The following MORC4 variants were observed in gnomAD, a reference collection of about 807,000 sequenced individuals.
MORC4 encodes the protein MORC family CW-type zinc finger protein 4.
A neutral mutation model predicts 65.5 loss-of-function variants in MORC4; 22 were observed. That is an observed-to-expected ratio of 0.34 (90% CI 0.24 to 0.48). The LOEUF (loss-of-function observed/expected upper bound fraction) is 0.48, where lower values mean the gene tolerates loss of function less well. Ranked by LOEUF, MORC4 falls within the 20% of genes least tolerant of loss-of-function variation. The probability of loss-of-function intolerance (pLI) is 0.99; values close to 1 mark genes in which losing one functional copy is unlikely to be tolerated. For synonymous variants in MORC4, 267 were observed against 255.8 expected (o/e 1.04, Z -0.42); for missense variants, 624 against 703.0 (o/e 0.89, Z 1.27).
At chrX:106,999,581 G>A (rs995101830) in intron 2 of MORC4, 96 bp downstream of exon 2, 35 of 422,497 alleles carry the variant, frequency 8.3e-5, no homozygotes, top group Middle Eastern at 9.1e-4. Context: ...GCCCCGGCCC[G>A]CCCCGCGCGG....
chrX:106,947,562 ATATATATAT>A (rs1488266535), intron 14 of MORC4, among the ~76,000 whole-genome samples: 2 of 70,203 alleles, frequency 2.8e-5, no homozygotes, highest in Non-Finnish European at 4.9e-5. Flanking sequence ...GTTAATCTAT[ATATATATAT>A]TATATATATA....
At chrX:106,992,254 C>T in intron 3 of MORC4, among the ~76,000 whole-genome samples, 1 of 112,344 alleles carries the variant, frequency 8.9e-6, no homozygotes, top group South Asian at 3.7e-4. Flanking sequence ...AAGGGATTTC[C>T]CTACAAACAG....
chrX:106,973,781 G>A (rs2147817565), intron 9 of MORC4, among the ~76,000 whole-genome samples: 1 of 111,343 alleles, frequency 9.0e-6, no homozygotes, highest in South Asian at 3.8e-4. Flanking sequence ...GATGGAAGAG[G>A]GCCATGGGCA....
chrX:106,980,937 T>C lies in MORC4; in HGVS notation c.890A>G (p.Lys297Arg). 1 of 1,208,340 alleles carries C rather than the reference T, an allele frequency of 8.3e-7. No individual in the cohort carries two copies. Among genetic ancestry groups the C allele is most frequent in the Non-Finnish European group, 1.1e-6 (1 of 892,228 alleles). Residue 297 changes from lysine (K) to arginine (R), a missense_variant, in exon 7 of 17, where the codon AAG becomes AGG. Transcript: ENST00000355610. ...ATCATATTCTACATTGGCCAGGCTCTTGGCAATCATCTGGGTAGTCACCTT... is the reference window on the plus strand; with the variant it reads ...ATCATATTCTACATTGGCCAGGCTCCTGGCAATCATCTGGGTAGTCACCTT... ...QKKVTTQMIA[K>R]SLANVEYDTY...
At chrX:106,962,131 TA>T in intron 9 of MORC4, 21 bp from the exon 10 acceptor site, 1 of 1,095,941 alleles carries the variant, frequency 9.1e-7, no homozygotes, top group Non-Finnish European at 1.3e-6. Flanking sequence ...ATGCAAGAAG[TA>T]TGTCAAAGTT....
At chrX:106,966,696 T>A (rs1201015852) in intron 9 of MORC4, among the ~76,000 whole-genome samples, 1 of 112,977 alleles carries the variant, frequency 8.9e-6, no homozygotes, top group Non-Finnish European at 1.9e-5. Flanking sequence ...CGCAGCAGTC[T>A]GAAATCGACC....
chrX:106,976,716 A>G, intron 8 of MORC4, 32 bp from the exon 9 acceptor site: 1 of 1,048,774 alleles, frequency 9.5e-7, no homozygotes, highest in East Asian at 3.0e-5. Flanking sequence ...CAACACTTAC[A>G]TTACTGTTGG....
Position 106,999,754 on chromosome X carries a change from G to A in MORC4, c.103-5C>T, listed in dbSNP as rs1427013865. The A allele has an allele frequency of 8.2e-6, 9 of 1,104,090 alleles. No homozygotes were observed. Among genetic ancestry groups the A allele is most frequent in the Non-Finnish European group, 1.1e-5 (9 of 843,843 alleles). The allele number at this position is 1,104,090 out of a possible 1,213,427, so 91.0% of individuals were successfully genotyped here. A position where few individuals can be genotyped will look rare whatever the true frequency, so the allele number is the denominator to read the frequency against. Reference sequence around the variant, plus strand: ...CTGGAGGTAGCGGGGGCTCATCTGGGGGCGAGAGAAGGTCCCGACCCGCGT... The same window carrying A: ...CTGGAGGTAGCGGGGGCTCATCTGGAGGCGAGAGAAGGTCCCGACCCGCGT... On this transcript the variant is annotated splice_polypyrimidine_tract_variant and splice_region_variant and intron_variant, in intron 1 of 16. Transcript: ENST00000355610.
At chrX:106,988,502 G>C (rs1421669643) in intron 3 of MORC4, among the ~76,000 whole-genome samples, 1 of 111,497 alleles carries the variant, frequency 9.0e-6, no homozygotes, top group Non-Finnish European at 1.9e-5. Context: ...TTGTTACTGT[G>C]TTTCACTTAA....
chrX:106,941,477 G>A lies in MORC4; in HGVS notation c.*2C>T. On this transcript the variant is annotated 3_prime_UTR_variant, in exon 17 of 17. Coordinates refer to ENST00000355610, the MANE Select transcript of MORC4 (RefSeq NM_024657.5). ...AGAAGAGAAGGGTATACAGTCTGGT[G>A]CTCAATCCAGTATGTGATTTGCCTC... is the stretch of plus-strand genomic sequence containing the variant. The A allele has an allele frequency of 8.3e-7, 1 of 1,199,503 alleles. No homozygotes were observed. Among genetic ancestry groups the A allele is most frequent in the South Asian group, 1.8e-5 (1 of 55,393 alleles).
At chrX:106,986,257 C>T in intron 3 of MORC4, 57 bp from the exon 4 acceptor site, 1 of 946,106 alleles carries the variant, frequency 1.1e-6, no homozygotes, top group East Asian at 3.1e-5. Context: ...AGGTAAAAAG[C>T]ATCCTAAGAT....
chrX:106,961,908 G>T, intron 10 of MORC4, 104 bp downstream of exon 10: 1 of 645,409 alleles, frequency 1.5e-6, no homozygotes, highest in Non-Finnish European at 2.4e-6. Context: ...GTGACACCAC[G>T]AACCCACCAG....
chrX:106,964,752 G>C (rs1314943037), intron 9 of MORC4, among the ~76,000 whole-genome samples: 1 of 112,281 alleles, frequency 8.9e-6, no homozygotes, highest in Non-Finnish European at 1.9e-5. Context: ...GCTCATGCCT[G>C]TAATCCCAGC....
chrX:106,945,282 GTCAAAC>G (rs1040745230), intron 14 of MORC4, among the ~76,000 whole-genome samples: 2 of 111,181 alleles, frequency 1.8e-5, no homozygotes, highest in African/African-American at 6.5e-5. Context: ...ACAAACATCA[GTCAAAC>G]TGGATGCCTT....
chrX:106,974,424 T>G (rs1242998170), intron 9 of MORC4, among the ~76,000 whole-genome samples: 3 of 111,580 alleles, frequency 2.7e-5, no homozygotes, highest in Non-Finnish European at 5.7e-5. Flanking sequence ...GTCACTACCT[T>G]AGCTCATGCT....
intron 6 of MORC4, 92 bp downstream of exon 6, chrX:106,981,253 T>C: frequency 1.0e-6 from 1 of 997,074 alleles, no homozygotes; most frequent in South Asian, 2.3e-5. Context: ...AACGTTGTTA[T>C]CTTTGTATAA....
At chrX:106,965,192 G>T (rs1467672438) in intron 9 of MORC4, among the ~76,000 whole-genome samples, 1 of 111,771 alleles carries the variant, frequency 8.9e-6, no homozygotes, top group Non-Finnish European at 1.9e-5. Flanking sequence ...CAACTGAAAG[G>T]AATGGTGATG....
At chrX:106,973,726 T>A (rs942085431) in intron 9 of MORC4, among the ~76,000 whole-genome samples, 1 of 110,787 alleles carries the variant, frequency 9.0e-6, no homozygotes, top group African/African-American at 3.3e-5. Context: ...GTCATCAGAG[T>A]GATGCAATAT....
chrX:106,981,979 G>C (rs769072951), intron 5 of MORC4, among the ~76,000 whole-genome samples: 1 of 111,877 alleles, frequency 8.9e-6, no homozygotes, highest in African/African-American at 3.2e-5. Context: ...TATTTAACTA[G>C]TCCTCTAGGA....
Sources: gnomAD v4.1 joint callset for allele counts (sites outside exome capture counted in the v4.1 genomes callset) on GRCh38, gnomAD v4.1.1 for gene constraint, MANE v1.5 for transcripts, NCBI Gene and HGNC (gene_info 2026-07-23, HGNC 2026-07-21) for gene names.